SLC16A1: variants seen among roughly 807,000 people sequenced by gnomAD.
SLC16A1 encodes the protein solute carrier family 16 member 1.
In SLC16A1, 11 loss-of-function variants were observed where a neutral mutation model predicts 32.2. The ratio of observed to expected loss-of-function variants is 0.34; its 90% CI spans 0.21 to 0.56. The LOEUF is 0.56. Among genes scored for constraint, SLC16A1 ranks in the 20% least tolerant of loss-of-function variants. The pLI is 0.87. For synonymous variants in SLC16A1, 231 were observed against 226.8 expected, an observed-to-expected ratio of 1.02 and a Z score of -0.17; for missense variants, 435 against 615.0, an observed-to-expected ratio of 0.71 and a Z score of 3.10.
In SLC16A1 at chr1:112,914,301, A is replaced by T. The variant is rs558522627; in HGVS notation, c.1229-136T>A. ...AGTCCCAAAATGATGAATTAGTATA[A>T]GGAATTGCTGAAAATTAGCTGATCC... On this transcript the variant is annotated intron_variant, in intron 4 of 4. Coordinates refer to ENST00000369626, the MANE Select transcript of SLC16A1 (RefSeq NM_003051.4). 6.6e-6 allele frequency: 6 copies of T among 904,742 alleles called. 1 individual carries two copies. The South Asian group carries it at 9.2e-5, about 14-fold the overall frequency. 56.0% of individuals were successfully genotyped at this position (904,742 alleles called of 1,614,324 possible).
At chr1:112,953,349 G>A (rs1361729326) in intron 1 of SLC16A1, among the ~76,000 whole-genome samples, 4 of 152,010 alleles carry the variant, frequency 2.6e-5, no homozygotes, top group Admixed American at 2.6e-4. Context: ...TTTTAATAGA[G>A]ACAGGGTTTC....
intron 1 of SLC16A1, among the ~76,000 whole-genome samples, chr1:112,949,075 C>T (rs1246015702): frequency 1.3e-5 from 2 of 152,012 alleles, no homozygotes; most frequent in African/African-American, 4.8e-5. Flanking sequence ...CCAGGATGGT[C>T]TCGATCTCCT....
rs781112576 is a variant in SLC16A1 at position 112,917,071 on chromosome 1, G to A, written c.1228+107C>T. ...GCATCAAGGGTACATAAATGAGAAA[G>A]ATTTATTCTTACCCAAATAGCTCAC... On this transcript the variant is annotated intron_variant, in intron 4 of 4. Transcript: ENST00000369626. The surrounding 1 kb of genome is among the most constrained non-coding windows in gnomAD (Gnocchi z 4.1). 1.4e-6 allele frequency: 2 copies of A among 1,392,044 alleles called. No individual in the cohort carries two copies. Among genetic ancestry groups the A allele is most frequent in the South Asian group, 2.4e-5 (2 of 82,280 alleles). 86.2% of individuals were successfully genotyped at this position (1,392,044 alleles called of 1,614,324 possible).
intron 2 of SLC16A1, chr1:112,923,966 T>C: frequency 6.7e-7 from 1 of 1,486,366 alleles, no homozygotes; most frequent in Non-Finnish European, 9.4e-7. Flanking sequence ...ACCTGCTGAC[T>C]GGCAAGTACA....
At chr1:112,936,755 AAGT>A (rs1290513128) in intron 1 of SLC16A1, among the ~76,000 whole-genome samples, 1 of 152,158 alleles carries the variant, frequency 6.6e-6, no homozygotes, top group Admixed American at 6.5e-5. Context: ...GGAAAAGAAA[AAGT>A]AGAGATCAGG....
chr1:112,924,165 C>T, intron 2 of SLC16A1: 1 of 1,479,562 alleles, frequency 6.8e-7, no homozygotes, highest in Non-Finnish European at 9.4e-7. Flanking sequence ...GTGGATGTAC[C>T]ACCACTCACA....
chr1:112,922,085 A>G lies in SLC16A1; in HGVS notation c.266T>C (p.Met89Thr). Residue 89 changes from methionine to threonine, a missense_variant, in exon 3 of 5, where the codon ATG becomes ACG. Physicochemically the swap from Met to Thr is moderately conservative, Grantham distance 81. This residue lies in a region of SLC16A1 where 324 missense variants were observed against 500.3 expected (regional missense o/e 0.65). Coordinates refer to ENST00000369626, the MANE Select transcript of SLC16A1 (RefSeq NM_003051.4). ...GCCTGACAAGCAGCCACCAACAATC[A>G]TGACTATACGACTTCCATATTTATT... ...LVNKYGSRIV[M>T]IVGGCLSGCG... 6.2e-7 allele frequency: 1 copy of G among 1,614,184 alleles called. No homozygotes were observed. Among genetic ancestry groups the G allele is most frequent in the Non-Finnish European group, 8.5e-7 (1 of 1,180,040 alleles).
chr1:112,927,571 A>T (rs1648985105), intron 2 of SLC16A1, among the ~76,000 whole-genome samples: 1 of 152,240 alleles, frequency 6.6e-6, no homozygotes, highest in Admixed American at 6.5e-5. Context: ...AAATTCTGCA[A>T]CAAGGTTCAT....
At chr1:112,926,902 AAAT>A (rs1448261274) in intron 2 of SLC16A1, among the ~76,000 whole-genome samples, 1 of 132,636 alleles carries the variant, frequency 7.5e-6, no homozygotes, top group Non-Finnish European at 1.6e-5. Context: ...ATAAATAAAT[AAAT>A]AATAAAAAAA....
chr1:112,952,905 G>A (rs998020148), intron 1 of SLC16A1, among the ~76,000 whole-genome samples: 4 of 152,070 alleles, frequency 2.6e-5, no homozygotes, highest in Admixed American at 6.5e-5. Context: ...TAATAAACTC[G>A]TATTTGTTCA....
At chr1:112,936,735 A>T (rs1051007607) in intron 1 of SLC16A1, among the ~76,000 whole-genome samples, 5 of 152,142 alleles carry the variant, frequency 3.3e-5, no homozygotes, top group African/African-American at 7.2e-5. Context: ...GCTTTTGGAT[A>T]ACTCAAGTTG....
In SLC16A1 at chr1:112,922,192, A is replaced by C. The variant is rs191456238; in HGVS notation, c.218-59T>G. On this transcript the variant is annotated intron_variant, in intron 2 of 4. Transcript: ENST00000369626. ...GAAACTGCTCCCTCACATCTACACA[A>C]GTATGAATGACAATGAATGACAAAT... The C allele has an allele frequency of 9.4e-5, 142 of 1,509,852 alleles. No homozygotes were observed. In the African/African-American group the frequency reaches 1.9e-3, roughly 20 times the overall value. The allele number at this position is 1,509,852 out of a possible 1,614,324, so 93.5% of individuals were successfully genotyped here.
chr1:112,940,717 T>C (rs553919029), intron 1 of SLC16A1, among the ~76,000 whole-genome samples: 1 of 152,298 alleles, frequency 6.6e-6, no homozygotes, highest in East Asian at 1.9e-4. Flanking sequence ...ATTTAAATAA[T>C]ATATATTTTA....
At chr1:112,938,887 T>G (rs1649401128) in intron 1 of SLC16A1, among the ~76,000 whole-genome samples, 1 of 152,046 alleles carries the variant, frequency 6.6e-6, no homozygotes, top group Non-Finnish European at 1.5e-5. Flanking sequence ...CTTTTTTTTT[T>G]TTTTACCTTT....
chr1:112,939,916 GACA>G (rs1649446990), intron 1 of SLC16A1, among the ~76,000 whole-genome samples: 1 of 151,774 alleles, frequency 6.6e-6, no homozygotes, highest in Non-Finnish European at 1.5e-5. Context: ...GGCACAAAAA[GACA>G]ACAAATCTCA....
chr1:112,930,188 T>C (rs544953484), intron 1 of SLC16A1, among the ~76,000 whole-genome samples: 4 of 152,322 alleles, frequency 2.6e-5, no homozygotes, highest in South Asian at 4.1e-4. Context: ...TTATGTATGA[T>C]TGGCATGTGA....
In SLC16A1 at chr1:112,929,275, T is replaced by C; in HGVS notation, c.34A>G (p.Thr12Ala). ...PPAVGGPVGY[T>A]PPDGGWGWAV... Reference sequence around the variant, plus strand: ...CAGCCCCAGCCTCCATCTGGGGGGGTGTATCCAACTGGACCTCCAACTGCT... The same window carrying C: ...CAGCCCCAGCCTCCATCTGGGGGGGCGTATCCAACTGGACCTCCAACTGCT... The change falls in exon 2 of 5, where the codon ACC (threonine) becomes GCC (alanine). Residue 12 changes from threonine (T) to alanine (A), a missense_variant. Physicochemically the swap from Thr to Ala is moderately conservative, Grantham distance 58 (BLOSUM62 0). Transcript: ENST00000369626. The C allele has an allele frequency of 6.2e-7, 1 of 1,613,852 alleles. No homozygotes were observed. Among genetic ancestry groups the C allele is most frequent in the Non-Finnish European group, 8.5e-7 (1 of 1,179,990 alleles).
chr1:112,949,805 C>G (rs1649827471), intron 1 of SLC16A1, among the ~76,000 whole-genome samples: 1 of 152,098 alleles, frequency 6.6e-6, no homozygotes, highest in Non-Finnish European at 1.5e-5. Flanking sequence ...CTCCCAAGTG[C>G]TGGGATTACA....
chr1:112,954,723 C>T (rs1473077597), intron 1 of SLC16A1, among the ~76,000 whole-genome samples: 1 of 152,122 alleles, frequency 6.6e-6, no homozygotes, highest in Non-Finnish European at 1.5e-5. Flanking sequence ...TCTGATGAAA[C>T]AACAGCATCT....
Sources: allele counts gnomAD v4.1 joint callset (sites outside exome capture counted in the v4.1 genomes callset), GRCh38; gene constraint gnomAD v4.1.1; regional missense constraint gnomAD v4.1.1; non-coding constraint Gnocchi (gnomAD v3.1); transcripts MANE v1.5; gene names NCBI Gene and HGNC (gene_info 2026-07-23, HGNC 2026-07-21).